CTNNA2: variants seen among roughly 807,000 people sequenced by gnomAD.
The protein encoded by CTNNA2 is catenin alpha 2, also known as catenin alpha-2.
In CTNNA2, 42 loss-of-function variants were observed where a neutral mutation model predicts 101.0. The observed-to-expected ratio is 0.42, with a 90% CI of 0.32 to 0.54. The LOEUF (loss-of-function observed/expected upper bound fraction) is 0.54, where lower values mean the gene tolerates loss of function less well. CTNNA2 is among the 20% of genes least tolerant of loss of function. The probability of loss-of-function intolerance (pLI) is 0.14; values close to 1 mark genes in which losing one functional copy is unlikely to be tolerated. For synonymous variants in CTNNA2, 450 were observed against 456.4 expected, an observed-to-expected ratio of 0.99 and a Z score of 0.18; for missense variants, 871 against 1,223.1, an observed-to-expected ratio of 0.71 and a Z score of 4.29.
intron 1 of CTNNA2, among the ~76,000 whole-genome samples, chr2:79,604,038 T>A (rs1677723795): frequency 6.6e-6 from 1 of 152,192 alleles, no homozygotes; most frequent in East Asian, 1.9e-4. Context: ...CCTATGATCC[T>A]AAGATTCTTT....
chr2:80,562,784 CTA>C (rs1230074026), intron 12 of CTNNA2, among the ~76,000 whole-genome samples: 2 of 151,948 alleles, frequency 1.3e-5, no homozygotes, highest in Admixed American at 6.6e-5. Context: ...CAATCTCTGA[CTA>C]TATTTTTAGG....
chr2:80,428,363 A>G (rs1681181159), intron 9 of CTNNA2, among the ~76,000 whole-genome samples: 1 of 152,230 alleles, frequency 6.6e-6, no homozygotes, highest in Non-Finnish European at 1.5e-5. Context: ...TAAAAAGCAA[A>G]GAAAGAAGAA....
chr2:80,479,619 TG>T (rs1011207542), intron 9 of CTNNA2, among the ~76,000 whole-genome samples: 1 of 152,032 alleles, frequency 6.6e-6, no homozygotes, highest in Non-Finnish European at 1.5e-5. Context: ...GATCAACAGG[TG>T]GAAACTATAA....
chr2:79,657,370 A>T (rs2104507583), intron 2 of CTNNA2, among the ~76,000 whole-genome samples: 1 of 152,014 alleles, frequency 6.6e-6, no homozygotes, highest in Non-Finnish European at 1.5e-5. Flanking sequence ...AGAAAAAAAT[A>T]AATTACTAAA....
intron 1 of CTNNA2, among the ~76,000 whole-genome samples, chr2:79,541,662 C>G (rs914091986): frequency 2.7e-5 from 4 of 149,852 alleles, no homozygotes; most frequent in Non-Finnish European, 4.4e-5. Flanking sequence ...GAGTCTCTCT[C>G]TGTTGCCAGG....
chr2:79,788,627 G>A (rs1466771788), intron 3 of CTNNA2, among the ~76,000 whole-genome samples: 1 of 152,154 alleles, frequency 6.6e-6, no homozygotes, highest in Non-Finnish European at 1.5e-5. Context: ...TTGCATGCAT[G>A]CATACATGTC....
chr2:79,883,009 G>T (rs572711493), intron 6 of CTNNA2, among the ~76,000 whole-genome samples: 4 of 152,210 alleles, frequency 2.6e-5, no homozygotes, highest in Non-Finnish European at 5.9e-5. Context: ...CGTGGATCAC[G>T]CCAGCCACCT....
intron 3 of CTNNA2, among the ~76,000 whole-genome samples, chr2:79,765,182 A>T (rs932970304): frequency 1.3e-5 from 2 of 152,196 alleles, no homozygotes; most frequent in African/African-American, 4.8e-5. Flanking sequence ...ATGAGGTAAT[A>T]TATGTGAAAG....
At chr2:79,306,650 C>T (rs904284742) in intron 2 of CTNNA2, among the ~76,000 whole-genome samples, 1 of 152,154 alleles carries the variant, frequency 6.6e-6, no homozygotes, top group Non-Finnish European at 1.5e-5. Context: ...CTCTGGGTAT[C>T]TGTGTGAGAA....
chr2:80,146,710 G>GTGT (rs1703357936), intron 7 of CTNNA2, among the ~76,000 whole-genome samples: 1 of 61,762 alleles, frequency 1.6e-5, no homozygotes, highest in African/African-American at 5.6e-5. Context: ...GTCCCCTCTG[G>GTGT]TTTTTTTTTT....
At chr2:79,378,574 T>C (rs535322709) in intron 4 of CTNNA2, among the ~76,000 whole-genome samples, 99 of 152,234 alleles carry the variant, frequency 6.5e-4, no homozygotes, top group African/African-American at 2.3e-3. Context: ...ATGTCATTTG[T>C]CGAGGAGATG....
chr2:79,189,300 T>C (rs1175277741), intron 1 of CTNNA2, among the ~76,000 whole-genome samples: 3 of 152,230 alleles, frequency 2.0e-5, no homozygotes, highest in Non-Finnish European at 4.4e-5. Flanking sequence ...TCATTCGTTC[T>C]AGATGTGTAC....
chr2:79,873,003 C>T (rs1248649391), intron 5 of CTNNA2, among the ~76,000 whole-genome samples: 1 of 152,144 alleles, frequency 6.6e-6, no homozygotes, highest in Non-Finnish European at 1.5e-5. Context: ...TTTTGTCATC[C>T]AAAACTAGGA....
chr2:80,100,151 C>G (rs1484713354), intron 7 of CTNNA2, among the ~76,000 whole-genome samples: 1 of 152,076 alleles, frequency 6.6e-6, no homozygotes, highest in East Asian at 1.9e-4. Flanking sequence ...TCAGGCTGGT[C>G]TCGAACTCCT....
intron 4 of CTNNA2, among the ~76,000 whole-genome samples, chr2:79,491,701 G>A (rs1386373679): frequency 2.0e-5 from 3 of 152,130 alleles, no homozygotes; most frequent in Non-Finnish European, 4.4e-5. Context: ...TCACATCACT[G>A]TAGAAGAGAA....
intron 7 of CTNNA2, among the ~76,000 whole-genome samples, chr2:80,020,472 G>A (rs1043460301): frequency 6.6e-6 from 1 of 152,128 alleles, no homozygotes; most frequent in Non-Finnish European, 1.5e-5. Flanking sequence ...CCAAAATGAT[G>A]CTTTTTTTCA....
intron 1 of CTNNA2, among the ~76,000 whole-genome samples, chr2:79,522,786 G>A (rs926734547): frequency 2.0e-5 from 3 of 152,100 alleles, no homozygotes; most frequent in African/African-American, 7.2e-5. Flanking sequence ...AAGGGGAGAG[G>A]CTGGGAGTAG....
At chr2:80,550,656 A>G (rs1692484193) in intron 11 of CTNNA2, among the ~76,000 whole-genome samples, 1 of 152,204 alleles carries the variant, frequency 6.6e-6, no homozygotes, top group Non-Finnish European at 1.5e-5. Context: ...CTTTGCTCAT[A>G]CATAAGCAAT....
At chr2:80,139,398 C>A (rs1485685256) in intron 7 of CTNNA2, among the ~76,000 whole-genome samples, 1 of 152,064 alleles carries the variant, frequency 6.6e-6, no homozygotes, top group Non-Finnish European at 1.5e-5. Flanking sequence ...TGTCTCTGCT[C>A]CCTCTGTTTT....
Sources: allele counts gnomAD v4.1 joint callset (sites outside exome capture counted in the v4.1 genomes callset), GRCh38; gene constraint gnomAD v4.1.1; transcripts MANE v1.5; gene names NCBI Gene and HGNC (gene_info 2026-07-23, HGNC 2026-07-21).